ARK2N: variants seen among roughly 807,000 people sequenced by gnomAD.
The protein encoded by ARK2N is protein ARK2N.
chr18:46,264,262 T>C, the ARK2N span: 1 of 152,634 alleles, frequency 6.6e-6, no homozygotes, highest in Admixed American at 6.5e-5. Context: ...CTTCAGGGAA[T>C]TCAGGAAATG....
chr18:46,206,483 G>C, the ARK2N span, among the ~76,000 whole-genome samples: 1 of 152,112 alleles, frequency 6.6e-6, no homozygotes, highest in African/African-American at 2.4e-5. Flanking sequence ...TCCCTGATCT[G>C]TGATGAAAAC....
At chr18:46,234,499 C>T in the ARK2N span, among the ~76,000 whole-genome samples, 1 of 152,002 alleles carries the variant, frequency 6.6e-6, no homozygotes, top group South Asian at 2.1e-4. Context: ...TGCCCGGCCT[C>T]ATTTGTAAAT....
chr18:46,197,068 A>T, the ARK2N span, among the ~76,000 whole-genome samples: 1 of 152,206 alleles, frequency 6.6e-6, no homozygotes, highest in Admixed American at 6.5e-5. Context: ...GAAGCAAGCC[A>T]TCAAGTCCAG....
the ARK2N span, among the ~76,000 whole-genome samples, chr18:46,192,417 CA>C: frequency 1.1e-4 from 16 of 148,828 alleles, no homozygotes; most frequent in East Asian, 4.0e-4. Context: ...ACTAAAAATA[CA>C]AAAAAAAAAT....
chr18:46,248,289 C>G, the ARK2N span, among the ~76,000 whole-genome samples: 1 of 152,172 alleles, frequency 6.6e-6, no homozygotes, highest in African/African-American at 2.4e-5. Context: ...GAACGTCAGT[C>G]AGGTTTCCAC....
At chr18:46,218,563 A>C in the ARK2N span, 1 of 152,206 alleles carries the variant, frequency 6.6e-6, no homozygotes, top group Non-Finnish European at 1.5e-5. Context: ...GAATTATGCA[A>C]AGCAGCAAAA....
At chr18:46,207,763 A>G in the ARK2N span, among the ~76,000 whole-genome samples, 11 of 152,332 alleles carry the variant, frequency 7.2e-5, no homozygotes, top group Admixed American at 2.6e-4. Context: ...AGATCCTGTC[A>G]GTTATCAATA....
chr18:46,249,671 A>G, the ARK2N span, among the ~76,000 whole-genome samples: 51 of 152,332 alleles, frequency 3.3e-4, no homozygotes, highest in Admixed American at 2.5e-3. Context: ...CCCTTTTGGA[A>G]TATGAACAGG....
At chr18:46,221,769 G>A in the ARK2N span, among the ~76,000 whole-genome samples, 2 of 152,086 alleles carry the variant, frequency 1.3e-5, no homozygotes, top group African/African-American at 4.8e-5. Flanking sequence ...AGGCAGTGAG[G>A]AGGATTCATG....
At chr18:46,225,304 G>A in the ARK2N span, among the ~76,000 whole-genome samples, 30 of 152,354 alleles carry the variant, frequency 2.0e-4, no homozygotes, top group African/African-American at 6.7e-4. Flanking sequence ...AGTTCCCAAA[G>A]ATGTATAATT....
chr18:46,229,647 C>G, the ARK2N span, among the ~76,000 whole-genome samples: 1 of 151,690 alleles, frequency 6.6e-6, no homozygotes, highest in African/African-American at 2.4e-5. Context: ...GATGAGGTCT[C>G]GCTCTATTGC....
At chr18:46,259,885 C>CTGTGTGTGTGTGTGTG in the ARK2N span, among the ~76,000 whole-genome samples, 148 of 81,694 alleles carry the variant, frequency 1.8e-3, 29 homozygotes, top group African/African-American at 3.6e-3. Context: ...ATCCTCCCGT[C>CTGTGTGTGTGTGTGTG]TGTGTGTGTG....
the ARK2N span, among the ~76,000 whole-genome samples, chr18:46,177,566 A>G: frequency 6.6e-6 from 1 of 151,242 alleles, no homozygotes; most frequent in African/African-American, 2.4e-5. Flanking sequence ...CAAGTAGCTA[A>G]GACAGGCGCC....
At chr18:46,205,155 G>A in the ARK2N span, among the ~76,000 whole-genome samples, 11 of 151,936 alleles carry the variant, frequency 7.2e-5, no homozygotes, top group African/African-American at 2.2e-4. Context: ...CAATCTGCCC[G>A]CCTCGGCCCC....
the ARK2N span, among the ~76,000 whole-genome samples, chr18:46,252,516 C>T: frequency 5.5e-4 from 84 of 152,094 alleles, no homozygotes; most frequent in African/African-American, 1.8e-3. Flanking sequence ...CCTTGTGATC[C>T]GCCCACCTTG....
chr18:46,184,538 A>G, the ARK2N span, among the ~76,000 whole-genome samples: 1 of 152,210 alleles, frequency 6.6e-6, no homozygotes, highest in Non-Finnish European at 1.5e-5. Context: ...ACTGGGTAAC[A>G]TAGTGAAACT....
chr18:46,251,906 A>T, the ARK2N span, among the ~76,000 whole-genome samples: 3 of 152,162 alleles, frequency 2.0e-5, no homozygotes, highest in African/African-American at 7.2e-5. Context: ...AAAGTACAGG[A>T]TTTGGCCAGG....
At chr18:46,215,811 G>T in the ARK2N span, 1 of 1,408,774 alleles carries the variant, frequency 7.1e-7, no homozygotes, top group Non-Finnish European at 9.7e-7. Context: ...TTTTGTACAG[G>T]TTGCTTTCCT....
At chr18:46,248,334 A>G in the ARK2N span, among the ~76,000 whole-genome samples, 1 of 152,210 alleles carries the variant, frequency 6.6e-6, no homozygotes, top group African/African-American at 2.4e-5. Context: ...GTATTTTACC[A>G]TGGAGTTGGC....
Sources: gnomAD v4.1 joint callset for allele counts (sites outside exome capture counted in the v4.1 genomes callset) on GRCh38, gnomAD v4.1.1 for gene constraint, MANE v1.5 for transcripts, NCBI Gene and HGNC (gene_info 2026-07-23, HGNC 2026-07-21) for gene names.